Variants in BNIP1 observed in about 807,000 individuals in gnomAD.
BNIP1 encodes the protein BCL2 interacting protein 1, also known as vesicle transport protein SEC20.
BNIP1 carries 25 observed loss-of-function variants against 28.5 expected under a neutral mutation model. The observed-to-expected ratio is 0.88, with a 90% CI of 0.64 to 1.23. The LOEUF (loss-of-function observed/expected upper bound fraction) is 1.23. Ranked by LOEUF, BNIP1 falls within the 50% of genes most tolerant of loss-of-function variation. The pLI, the probability that BNIP1 is intolerant of heterozygous loss-of-function variation, is 0.00. For synonymous variants in BNIP1, 118 were observed against 101.7 expected (o/e 1.16, Z -0.96); for missense variants, 276 against 277.0 (o/e 1.00, Z 0.02).
At chr5:173,158,199 A>G (rs963774704) in intron 3 of BNIP1, among the ~76,000 whole-genome samples, 5 of 150,212 alleles carry the variant, frequency 3.3e-5, no homozygotes, top group Middle Eastern at 6.8e-3. Flanking sequence ...CTAAAGTGCT[A>G]TGATTACAGG....
intron 4 of BNIP1, 70 bp downstream of exon 4, chr5:173,158,915 C>T (rs1760283777): frequency 8.6e-7 from 1 of 1,161,800 alleles, no homozygotes; most frequent in South Asian, 1.7e-5. Context: ...AGGAAACCCC[C>T]TCTTGTTTTC....
intron 5 of BNIP1, among the ~76,000 whole-genome samples, chr5:173,160,498 T>C (rs966188664): frequency 4.6e-5 from 7 of 152,272 alleles, no homozygotes; most frequent in African/African-American, 4.8e-5. Context: ...CCTCCCAAAG[T>C]GCTGGGATTA....
intron 5 of BNIP1, chr5:173,161,642 C>T (rs1760364725): frequency 6.6e-6 from 1 of 152,166 alleles, no homozygotes. Context: ...ACAAATTCAG[C>T]TTGATTTAAA....
At chr5:173,158,697 T>C (rs1760276584) in intron 3 of BNIP1, 47 bp from the exon 4 acceptor site, 5 of 1,481,520 alleles carry the variant, frequency 3.4e-6, no homozygotes, top group African/African-American at 2.8e-5. Flanking sequence ...AACTGACTTA[T>C]GGCTTGGTGG....
intron 2 of BNIP1, among the ~76,000 whole-genome samples, chr5:173,154,016 G>A (rs371296556): frequency 1.3e-5 from 2 of 152,006 alleles, no homozygotes; most frequent in African/African-American, 2.4e-5. Context: ...TTTTCCTTTC[G>A]GGCCTGCCCT....
At chr5:173,148,211 G>A (rs1759921911) in intron 2 of BNIP1, among the ~76,000 whole-genome samples, 1 of 144,782 alleles carries the variant, frequency 6.9e-6, no homozygotes, top group South Asian at 2.2e-4. Flanking sequence ...CAATCCTCCT[G>A]CCTCAGCCTC....
At chr5:173,156,306 A>G (rs1285608156) in intron 3 of BNIP1, among the ~76,000 whole-genome samples, 1 of 152,188 alleles carries the variant, frequency 6.6e-6, no homozygotes, top group African/African-American at 2.4e-5. Flanking sequence ...GGGAATGGCC[A>G]TCCACAATGT....
chr5:173,161,190 T>C (rs5745164), intron 5 of BNIP1: 3,811 of 175,536 alleles, frequency 0.022, 74 homozygotes, highest in South Asian at 0.062. Context: ...AGGGACTCTT[T>C]GGGGAAAAAG....
At chr5:173,148,122 ATATATATATATATATT>A (rs1759915482) in intron 2 of BNIP1, among the ~76,000 whole-genome samples, 2 of 88,336 alleles carry the variant, frequency 2.3e-5, no homozygotes, top group African/African-American at 8.7e-5. Flanking sequence ...ATATATATAT[ATATATATATATATATT>A]TTAATAGAGA....
At chr5:173,152,353 CT>C (rs1331059776) in intron 2 of BNIP1, among the ~76,000 whole-genome samples, 316 of 145,250 alleles carry the variant, frequency 2.2e-3, no homozygotes, top group Middle Eastern at 3.5e-3. Context: ...AATTTACATT[CT>C]TTTTTTTTTT....
chr5:173,148,086 ATATATATATATATATATATATATATATAT>A (rs1561593468), intron 2 of BNIP1, among the ~76,000 whole-genome samples: 351 of 23,126 alleles, frequency 0.015, 39 homozygotes, highest in Non-Finnish European at 0.015. Flanking sequence ...AAAAAAAAAT[ATATATATATATATATATATATATATATAT>A]ATATATATAT....
At position 173,158,790 on chromosome 5, in the gene BNIP1, A is replaced by G. The variant is rs970416574; in HGVS notation, c.316A>G (p.Ile106Val). The G allele has an allele frequency of 2.5e-6, 4 of 1,614,194 alleles. No individual in the cohort carries two copies. The highest frequency in any genetic ancestry group is 1.1e-5 in the South Asian group (1 of 91,076). ...AGCTAATCTCACCTGCAAAATTGCA[A>G]TCGACAATCTAGAGAAAGCAGAACT... is the stretch of plus-strand genomic sequence containing the variant. ...RKANLTCKIAIDNLEKAELLQ... is the reference protein window; with the variant it reads ...RKANLTCKIAVDNLEKAELLQ... The change falls in exon 4 of 6, where the codon ATC becomes GTC. Residue 106 changes from isoleucine to valine, a missense_variant. Physicochemically the swap from Ile to Val is conservative, Grantham distance 29 (BLOSUM62 3). Coordinates refer to ENST00000351486, the MANE Select transcript of BNIP1 (RefSeq NM_001205.3).
chr5:173,151,831 T>A, intron 2 of BNIP1: 1 of 1,307,496 alleles, frequency 7.6e-7, no homozygotes, highest in South Asian at 1.7e-5. Flanking sequence ...AATAAGCACA[T>A]GGCCAGTAAA....
chr5:173,163,681 G>T, intron 5 of BNIP1, 44 bp from the exon 6 acceptor site: 1 of 1,525,846 alleles, frequency 6.6e-7, no homozygotes, highest in South Asian at 1.3e-5. Flanking sequence ...TTTGGATCTT[G>T]AGCTGCAGTC....
chr5:173,149,293 A>G (rs3792819), intron 2 of BNIP1, among the ~76,000 whole-genome samples: 21,729 of 152,222 alleles, frequency 0.14, 2,009 homozygotes, highest in African/African-American at 0.26. Context: ...CAATCATGGC[A>G]GAAGGCAAAG....
intron 5 of BNIP1, among the ~76,000 whole-genome samples, 188 bp downstream of exon 5, chr5:173,160,239 C>CTCT (rs1554090142): frequency 0.01 from 1,474 of 145,766 alleles, 35 homozygotes; most frequent in African/African-American, 0.035. Context: ...TCCTATTTCT[C>CTCT]TTTTTTTTTT....
intron 5 of BNIP1, chr5:173,161,075 C>G (rs746484043): frequency 3.3e-6 from 1 of 301,528 alleles, no homozygotes; most frequent in African/African-American, 2.2e-5. Flanking sequence ...TTACCCCAGC[C>G]AGTCTCGTTT....
chr5:173,163,524 C>T (rs968509846), intron 5 of BNIP1, among the ~76,000 whole-genome samples: 52 of 152,296 alleles, frequency 3.4e-4, no homozygotes, highest in Admixed American at 2.7e-3. Flanking sequence ...GACAAACCCC[C>T]CCTCACTCTC....
intron 2 of BNIP1, chr5:173,151,776 A>G: frequency 6.3e-7 from 1 of 1,576,952 alleles, no homozygotes; most frequent in Non-Finnish European, 8.6e-7. Context: ...GACCTCACCA[A>G]TACGTGTACA....
Sources: allele counts gnomAD v4.1 joint callset (sites outside exome capture counted in the v4.1 genomes callset), GRCh38; gene constraint gnomAD v4.1.1; transcripts MANE v1.5; gene names NCBI Gene and HGNC (gene_info 2026-07-23, HGNC 2026-07-21).